CAPN9: variants seen among roughly 807,000 people sequenced by gnomAD.
CAPN9 encodes the protein calpain 9.
A neutral mutation model predicts 92.8 loss-of-function variants in CAPN9; 81 were observed. That is an observed-to-expected ratio of 0.87 (90% CI 0.73 to 1.05). The LOEUF (loss-of-function observed/expected upper bound fraction) is 1.05. CAPN9 is among the 50% of genes least tolerant of loss of function. The pLI is 0.00. For synonymous variants in CAPN9, 304 were observed against 328.0 expected (o/e 0.93, Z 0.79); for missense variants, 848 against 866.2 (o/e 0.98, Z 0.26).
At chr1:230,767,468 C>A (rs1317317240) in intron 4 of CAPN9, 73 bp from the exon 5 acceptor site, 3 of 1,269,136 alleles carry the variant, frequency 2.4e-6, no homozygotes, top group Non-Finnish European at 3.3e-6. Context: ...GTTAGAAAAG[C>A]TCTGAAAGCA....
chr1:230,784,876 A>C (rs2102909656), intron 11 of CAPN9, among the ~76,000 whole-genome samples: 1 of 152,364 alleles, frequency 6.6e-6, no homozygotes, highest in South Asian at 2.1e-4. Flanking sequence ...ATCCACTGGC[A>C]GCTTGCACCT....
intron 18 of CAPN9, 87 bp downstream of exon 18, chr1:230,795,366 G>A: frequency 2.6e-6 from 2 of 782,234 alleles, no homozygotes; most frequent in South Asian, 3.0e-5. Flanking sequence ...CCTGGTTAAA[G>A]TAATGGCAAA....
intron 5 of CAPN9, 88 bp from the exon 6 acceptor site, chr1:230,769,092 G>T: frequency 9.6e-7 from 1 of 1,045,246 alleles, no homozygotes; most frequent in South Asian, 1.4e-5. Context: ...TGGAGGTTGT[G>T]ACCGGGCCAG....
chr1:230,788,848 T>C (rs1297848435), intron 13 of CAPN9, among the ~76,000 whole-genome samples: 5 of 151,942 alleles, frequency 3.3e-5, no homozygotes, highest in Admixed American at 3.3e-4. Flanking sequence ...TTCATGCGGG[T>C]GCGCAGAAGT....
intron 5 of CAPN9, 100 bp downstream of exon 5, chr1:230,767,809 C>G: frequency 9.2e-7 from 1 of 1,090,710 alleles, no homozygotes; most frequent in South Asian, 1.6e-5. Context: ...CAGCCACACC[C>G]AAGGAGGGGC....
chr1:230,752,317 C>T (rs2102829134), intron 1 of CAPN9, among the ~76,000 whole-genome samples: 1 of 152,298 alleles, frequency 6.6e-6, no homozygotes, highest in South Asian at 2.1e-4. Context: ...CACGTGTGCA[C>T]ACCAATTCCC....
intron 13 of CAPN9, among the ~76,000 whole-genome samples, chr1:230,787,904 G>A (rs1036533131): frequency 3.3e-5 from 5 of 152,186 alleles, no homozygotes; most frequent in African/African-American, 1.2e-4. Context: ...TACCCTGGCT[G>A]GAGTGCAGTG....
intron 4 of CAPN9, among the ~76,000 whole-genome samples, chr1:230,765,352 G>C (rs12059573): frequency 0.42 from 64,055 of 151,680 alleles, 14,077 homozygotes; most frequent in Non-Finnish European, 0.48. Flanking sequence ...AGACAAAGCA[G>C]TACTGGATTA....
At chr1:230,783,577 GTCTCCC>G (rs1667375078) in intron 11 of CAPN9, among the ~76,000 whole-genome samples, 1 of 152,128 alleles carries the variant, frequency 6.6e-6, no homozygotes, top group Admixed American at 6.5e-5. Context: ...AGTTTCCTAG[GTCTCCC>G]TAGAAGTCAA....
intron 16 of CAPN9, 31 bp downstream of exon 16, chr1:230,792,525 G>A: frequency 6.4e-7 from 1 of 1,563,928 alleles, no homozygotes; most frequent in Non-Finnish European, 8.8e-7. Context: ...CTTGGCCTCT[G>A]GGGGACCCAG....
chr1:230,768,205 G>A (rs1666134581), intron 5 of CAPN9, among the ~76,000 whole-genome samples: 1 of 152,026 alleles, frequency 6.6e-6, no homozygotes, highest in Non-Finnish European at 1.5e-5. Flanking sequence ...CTGCTCTCCA[G>A]GCTGGGTGAC....
chr1:230,792,911 C>T lies in CAPN9; in HGVS notation c.1853C>T (p.Thr618Ile), dbSNP rs758134139. The T allele has an allele frequency of 6.2e-7, 1 of 1,613,654 alleles. No homozygotes were observed. The highest frequency in any genetic ancestry group is 8.5e-7 in the Non-Finnish European group (1 of 1,179,574). Reference sequence around the variant, plus strand: ...ACCATGTCTACCTATGAACTACGGACTGCACTGAAAGCTGCAGGTAAAGAA... The same window carrying T: ...ACCATGTCTACCTATGAACTACGGATTGCACTGAAAGCTGCAGGTAAAGAA... Reference protein sequence around the residue: ...SGTMSTYELRTALKAAGFQLS... With the variant: ...SGTMSTYELRIALKAAGFQLS... Residue 618 changes from threonine (T) to isoleucine (I), a missense_variant, in exon 17 of 20, where the codon ACT (threonine) becomes ATT (isoleucine). Thr to Ile is a moderately conservative substitution (Grantham distance 89). Coordinates refer to ENST00000271971, the MANE Select transcript of CAPN9 (RefSeq NM_006615.3).
rs1400028606 is a variant in CAPN9 at position 230,751,570 on chromosome 1, GAAAGAAGAAAGAAACA to G, written c.214-3764_214-3749del. 9.6e-4 allele frequency among the ~76,000 whole-genome samples: 120 copies of G among 124,766 alleles called. 2 individuals carry two copies. The highest frequency in any genetic ancestry group is 2.3e-4 in the Non-Finnish European group (14 of 61,618). The allele number at this position is 124,766 out of a possible 152,430, so 81.9% of individuals were successfully genotyped here. A position where few individuals can be genotyped will look rare whatever the true frequency, so the allele number is the denominator to read the frequency against. On this transcript the variant is annotated intron_variant, in intron 1 of 19. Coordinates refer to ENST00000271971, the MANE Select transcript of CAPN9 (RefSeq NM_006615.3). ...AAAAGAAAGGAAGAAGAGAAAGAAA[GAAAGAAGAAAGAAACA>G]AAGAAAGAAAGAAAGAAAGAAAGAG...
intron 6 of CAPN9, among the ~76,000 whole-genome samples, chr1:230,769,614 CACCTATCTATCTATCTATCTATCT>C (rs1339730970): frequency 0.071 from 10,679 of 149,896 alleles, 497 homozygotes; most frequent in South Asian, 0.15. Context: ...AACACACACA[CACCTATCTATCTATCTATCTATCT>C]ATCTATCTAT....
intron 11 of CAPN9, among the ~76,000 whole-genome samples, chr1:230,783,061 T>C (rs1042679423): frequency 6.6e-6 from 1 of 152,170 alleles, no homozygotes; most frequent in Non-Finnish European, 1.5e-5. Flanking sequence ...TTTGTAATCT[T>C]TTAAAATGCA....
rs745914883 is a variant in CAPN9 at position 230,792,497 on chromosome 1, A to G, written c.1791+3A>G. 1.2e-6 allele frequency: 2 copies of G among 1,612,430 alleles called. No individual in the cohort carries two copies. Among genetic ancestry groups the G allele is most frequent in the Non-Finnish European group, 1.7e-6 (2 of 1,178,420 alleles). ...GGGACAAGCTGAAGCAGTGGATTGTATGTAACCTGGAGCAGGGCTTGGCCT... is the reference window on the plus strand; with the variant it reads ...GGGACAAGCTGAAGCAGTGGATTGTGTGTAACCTGGAGCAGGGCTTGGCCT... On this transcript the variant is annotated splice_donor_region_variant and intron_variant, in intron 16 of 19. Transcript: ENST00000271971.
intron 4 of CAPN9, among the ~76,000 whole-genome samples, chr1:230,764,179 G>A (rs1480851099): frequency 6.6e-6 from 1 of 152,238 alleles, no homozygotes; most frequent in East Asian, 1.9e-4. Flanking sequence ...GTCTGTGAGA[G>A]TGTTTCTGGA....
chr1:230,792,297 C>A, intron 15 of CAPN9, 129 bp from the exon 16 acceptor site: 2 of 724,224 alleles, frequency 2.8e-6, no homozygotes, highest in Non-Finnish European at 2.4e-6. Context: ...AACCACTTCC[C>A]CAGGGCCCCA....
At chr1:230,772,881 T>A (rs1173210559) in intron 7 of CAPN9, among the ~76,000 whole-genome samples, 1 of 151,986 alleles carries the variant, frequency 6.6e-6, no homozygotes, top group Admixed American at 6.6e-5. Context: ...TCCCCACAGC[T>A]CCTCCAGCTC....
Sources: allele counts gnomAD v4.1 joint callset (sites outside exome capture counted in the v4.1 genomes callset), GRCh38; gene constraint gnomAD v4.1.1; transcripts MANE v1.5; gene names NCBI Gene and HGNC (gene_info 2026-07-23, HGNC 2026-07-21).